PLCXD3: variants seen among roughly 807,000 people sequenced by gnomAD.
PLCXD3 encodes PI-PLC X domain-containing protein 3.
PLCXD3 carries 19 observed loss-of-function variants against 25.5 expected under a neutral mutation model. The ratio of observed to expected loss-of-function variants is 0.75; its 90% confidence interval spans 0.52 to 1.09. The LOEUF is 1.09. Ranked by LOEUF, PLCXD3 falls within the 50% of genes least tolerant of loss-of-function variation. The pLI is 0.00. For missense variants in PLCXD3, 411 were observed against 388.1 expected, an observed-to-expected ratio of 1.06 and a Z score of -0.50; for synonymous variants, 174 against 137.6, an observed-to-expected ratio of 1.26 and a Z score of -1.85.
At chr5:41,418,534 T>C (rs928303145) in intron 1 of PLCXD3, among the ~76,000 whole-genome samples, 1 of 152,120 alleles carries the variant, frequency 6.6e-6, no homozygotes, top group Non-Finnish European at 1.5e-5. Flanking sequence ...ATTTTTTTGG[T>C]ACACTTTATT....
At chr5:41,455,775 T>C (rs1747738782) in intron 1 of PLCXD3, among the ~76,000 whole-genome samples, 1 of 151,960 alleles carries the variant, frequency 6.6e-6, no homozygotes, top group Admixed American at 6.6e-5. Context: ...TGTTTTAGTG[T>C]ATTCTGAAAA....
intron 1 of PLCXD3, among the ~76,000 whole-genome samples, chr5:41,478,854 G>A (rs1748335309): frequency 6.6e-6 from 1 of 152,178 alleles, no homozygotes; most frequent in Admixed American, 6.5e-5. Flanking sequence ...GGGCGAAGGG[G>A]AAGCAAGCAC....
At chr5:41,440,215 A>ATTTTTG (rs1747350266) in intron 1 of PLCXD3, among the ~76,000 whole-genome samples, 4 of 41,062 alleles carry the variant, frequency 9.7e-5, no homozygotes, top group African/African-American at 4.2e-4. Context: ...TAATCTCTCA[A>ATTTTTG]TTTTTTTTTT....
chr5:41,478,257 G>T (rs368593009), intron 1 of PLCXD3, among the ~76,000 whole-genome samples: 2 of 152,152 alleles, frequency 1.3e-5, no homozygotes, highest in African/African-American at 4.8e-5. Flanking sequence ...GGATTTGTTA[G>T]CTGAGCAACA....
chr5:41,447,084 G>A (rs535128886), intron 1 of PLCXD3, among the ~76,000 whole-genome samples: 73 of 152,274 alleles, frequency 4.8e-4, no homozygotes, highest in African/African-American at 1.5e-3. Flanking sequence ...GTCAGAAAGC[G>A]TCATGAAGGT....
chr5:41,372,091 T>C (rs938010332), intron 2 of PLCXD3, among the ~76,000 whole-genome samples: 2 of 152,032 alleles, frequency 1.3e-5, no homozygotes, highest in African/African-American at 2.4e-5. Flanking sequence ...TCGACCTACC[T>C]CCTTTCAACT....
chr5:41,385,112 A>G (rs1454999514), intron 1 of PLCXD3, among the ~76,000 whole-genome samples: 3 of 152,094 alleles, frequency 2.0e-5, no homozygotes, highest in South Asian at 4.1e-4. Context: ...TAAGTTTTCT[A>G]TTTGTTTGAA....
intron 1 of PLCXD3, among the ~76,000 whole-genome samples, chr5:41,397,857 C>T (rs898537038): frequency 6.6e-6 from 1 of 152,192 alleles, no homozygotes; most frequent in Admixed American, 6.5e-5. Flanking sequence ...ATAATGTCTA[C>T]CCTGCTGGGT....
In PLCXD3 at chr5:41,382,438, G is replaced by T; in HGVS notation, c.200C>A (p.Thr67Asn). Residue 67 changes from threonine to asparagine, a missense_variant, in exon 2 of 3, where the codon ACT (threonine) becomes AAT (asparagine). Transcript: ENST00000377801. ...TVQNFVSVFG[T>N]VAKKLMRKWL... ...TTTCCGCATGAGCTTTTTGGCCACA[G>T]TTCCAAACACAGAGACAAAATTCTG... The T allele has an allele frequency of 6.2e-7, 1 of 1,613,364 alleles. No individual in the cohort carries two copies. Among genetic ancestry groups the T allele is most frequent in the Non-Finnish European group, 8.5e-7 (1 of 1,179,688 alleles).
intron 1 of PLCXD3, among the ~76,000 whole-genome samples, chr5:41,445,954 G>A (rs767107679): frequency 6.6e-6 from 1 of 151,868 alleles, no homozygotes; most frequent in Non-Finnish European, 1.5e-5. Context: ...TTGGGAGGCC[G>A]AGGCGGACGA....
chr5:41,337,888 G>T (rs1036318337), intron 2 of PLCXD3, among the ~76,000 whole-genome samples: 1 of 152,112 alleles, frequency 6.6e-6, no homozygotes, highest in East Asian at 1.9e-4. Flanking sequence ...TGAGTTAGAA[G>T]AGTATTTCCC....
At chr5:41,478,982 C>T (rs1020768238) in intron 1 of PLCXD3, among the ~76,000 whole-genome samples, 1 of 152,046 alleles carries the variant, frequency 6.6e-6, no homozygotes, top group African/African-American at 2.4e-5. Context: ...AAGTCTGCCC[C>T]CATGATTCAA....
chr5:41,498,865 A>C (rs1748893291), intron 1 of PLCXD3, among the ~76,000 whole-genome samples: 1 of 151,824 alleles, frequency 6.6e-6, no homozygotes, highest in Non-Finnish European at 1.5e-5. Flanking sequence ...AAAATCAATT[A>C]ATGTGATATA....
At chr5:41,316,995 G>A (rs1048819976) in intron 2 of PLCXD3, among the ~76,000 whole-genome samples, 9 of 152,194 alleles carry the variant, frequency 5.9e-5, no homozygotes, top group African/African-American at 2.2e-4. Context: ...TTCAGCCCCA[G>A]GGCCTTGAGA....
intron 2 of PLCXD3, among the ~76,000 whole-genome samples, chr5:41,368,617 A>G (rs1468867980): frequency 6.6e-6 from 1 of 152,054 alleles, no homozygotes; most frequent in Non-Finnish European, 1.5e-5. Flanking sequence ...CTTGTGCTGG[A>G]TTTCAAGGCA....
At chr5:41,378,283 T>C (rs1024534131) in intron 2 of PLCXD3, among the ~76,000 whole-genome samples, 20 of 152,058 alleles carry the variant, frequency 1.3e-4, no homozygotes, top group African/African-American at 4.6e-4. Context: ...AGCTTCACAT[T>C]AATATAACAT....
rs1326205501 is a variant in PLCXD3, at chr5:41,505,808, A to ATT, written c.103+4615_103+4616insAA. ...TTGCTCAAGGTACATGATGACCTGT[A>ATT]ATGTCAGTTATCAGAAATGTCCCTA... On this transcript the variant is annotated intron_variant, in intron 1 of 2. Coordinates refer to ENST00000377801, the MANE Select transcript of PLCXD3 (RefSeq NM_001005473.3). Among the ~76,000 whole-genome samples, 33 of 152,356 alleles carry ATT rather than the reference A, an allele frequency of 2.2e-4. 1 individual carries two copies. The East Asian group carries it at 6.4e-3, about 29-fold the overall frequency.
intron 1 of PLCXD3, among the ~76,000 whole-genome samples, chr5:41,402,771 AAT>A (rs1746223763): frequency 6.6e-6 from 1 of 151,418 alleles, no homozygotes; most frequent in Admixed American, 6.6e-5. Flanking sequence ...TGTGTCTTTT[AAT>A]ATGTTAATCT....
intron 1 of PLCXD3, among the ~76,000 whole-genome samples, chr5:41,474,889 T>C (rs1748246598): frequency 1.3e-5 from 2 of 152,200 alleles, no homozygotes; most frequent in African/African-American, 4.8e-5. Context: ...CTCCTCCAAC[T>C]AACGCAACCC....
Sources: gnomAD v4.1 joint callset for allele counts (sites outside exome capture counted in the v4.1 genomes callset) on GRCh38, gnomAD v4.1.1 for gene constraint, MANE v1.5 for transcripts, NCBI Gene and HGNC (gene_info 2026-07-23, HGNC 2026-07-21) for gene names.